GTF2F2: variants seen among roughly 807,000 people sequenced by gnomAD.
GTF2F2 encodes ATP-dependent helicase GTF2F2.
In GTF2F2, 23 loss-of-function variants were observed where a neutral mutation model predicts 42.2. The observed-to-expected ratio is 0.55, with a 90% CI of 0.39 to 0.77. GTF2F2 has a LOEUF of 0.77. Ranked by LOEUF, GTF2F2 falls within the 30% of genes least tolerant of loss-of-function variation. GTF2F2 has a pLI of 0.00. For synonymous variants in GTF2F2, 105 were observed against 100.8 expected (o/e 1.04, Z -0.25); for missense variants, 261 against 287.2 (o/e 0.91, Z 0.66).
At chr13:45,202,590 A>T (rs1347208547) in intron 4 of GTF2F2, among the ~76,000 whole-genome samples, 4 of 152,220 alleles carry the variant, frequency 2.6e-5, no homozygotes, top group Non-Finnish European at 5.9e-5. Flanking sequence ...AAAAGATGGG[A>T]AATCATAAAA....
At position 45,120,591 on chromosome 13, in the gene GTF2F2, C is replaced by T; in HGVS notation, c.-65C>T. 8.3e-7 allele frequency: 1 copy of T among 1,208,994 alleles called. No individual in the cohort carries two copies. The highest frequency in any genetic ancestry group is 1.2e-6 in the Non-Finnish European group (1 of 836,772). 74.9% of individuals were successfully genotyped at this position (1,208,994 alleles called of 1,614,324 possible). A position where few individuals can be genotyped will look rare whatever the true frequency, so the allele number is the denominator to read the frequency against. Reference sequence around the variant, plus strand: ...GCTTGTCCTTTGTTCCGGACGCCCGCTCCTCAGCCCTGCGGCTCCTGGGGT... The same window carrying T: ...GCTTGTCCTTTGTTCCGGACGCCCGTTCCTCAGCCCTGCGGCTCCTGGGGT... On this transcript the variant is annotated 5_prime_UTR_variant, in exon 1 of 8. Coordinates refer to ENST00000340473, the MANE Select transcript of GTF2F2 (RefSeq NM_004128.3).
intron 6 of GTF2F2, among the ~76,000 whole-genome samples, chr13:45,264,513 G>A (rs534893124): frequency 2.0e-5 from 3 of 151,840 alleles, no homozygotes; most frequent in Non-Finnish European, 4.4e-5. Context: ...CAAATGATCC[G>A]CCCACTTTGT....
chr13:45,217,452 T>C (rs546251158), intron 5 of GTF2F2, among the ~76,000 whole-genome samples: 2 of 152,340 alleles, frequency 1.3e-5, no homozygotes, highest in Non-Finnish European at 2.9e-5. Context: ...TTTATTACTT[T>C]TGTTTCTGTC....
chr13:45,151,911 C>CTTTTT lies in GTF2F2; in HGVS notation c.304+97_304+101dup, dbSNP rs773005628. 66 of 142,204 alleles carry CTTTTT rather than the reference C, an allele frequency of 4.6e-4. 1 individual carries two copies. The highest frequency in any genetic ancestry group is 8.2e-4 in the East Asian group (5 of 6,096). The allele number at this position is 142,204 out of a possible 1,614,324, so 8.8% of individuals were successfully genotyped here. On this transcript the variant is annotated intron_variant, in intron 4 of 7. Coordinates refer to ENST00000340473, the MANE Select transcript of GTF2F2 (RefSeq NM_004128.3). ...CTGTCTCAACATACACTCCTATTTG[C>CTTTTT]TTTTTTTTTTTTTTTTTTTTTGCGA...
intron 3 of GTF2F2, 100 bp from the exon 4 acceptor site, chr13:45,151,587 G>A (rs1870493525): frequency 1.4e-6 from 1 of 703,992 alleles, no homozygotes; most frequent in African/African-American, 1.9e-5. Flanking sequence ...GAAATGACTG[G>A]AAAACACATT....
intron 2 of GTF2F2, among the ~76,000 whole-genome samples, chr13:45,139,892 A>T (rs1869836109): frequency 6.6e-6 from 1 of 152,132 alleles, no homozygotes; most frequent in Admixed American, 6.5e-5. Flanking sequence ...CATCTCCCAT[A>T]CCAAAATCTA....
chr13:45,157,792 A>C (rs1290948603), intron 4 of GTF2F2, among the ~76,000 whole-genome samples: 2 of 151,706 alleles, frequency 1.3e-5, no homozygotes, highest in African/African-American at 4.8e-5. Context: ...CATGTTTCCC[A>C]GGCTGGTCTC....
chr13:45,191,224 A>AAAAAAAAAATATATATATAT, intron 4 of GTF2F2, among the ~76,000 whole-genome samples: 153 of 75,266 alleles, frequency 2.0e-3, no homozygotes, highest in Non-Finnish European at 2.6e-3. Flanking sequence ...ACAAAAAAAA[A>AAAAAAAAAATATATATATAT]ATATATATAT....
intron 5 of GTF2F2, among the ~76,000 whole-genome samples, chr13:45,228,769 C>T (rs1038751945): frequency 5.7e-4 from 86 of 151,408 alleles, no homozygotes; most frequent in African/African-American, 2.0e-3. Flanking sequence ...CTCCCGGGTT[C>T]AAGCAATTCT....
rs200972373 is a variant in GTF2F2, at chr13:45,254,386, A to G, written c.486+1416A>G. ...AATAAGGGGAAAGTATTGTATATTTATATTTCAAGACTTTTTTATTGTTGT... is the reference window on the plus strand; with the variant it reads ...AATAAGGGGAAAGTATTGTATATTTGTATTTCAAGACTTTTTTATTGTTGT... On this transcript the variant is annotated intron_variant, in intron 6 of 7. Coordinates refer to ENST00000340473, the MANE Select transcript of GTF2F2 (RefSeq NM_004128.3). 2.6e-5 allele frequency among the ~76,000 whole-genome samples: 4 copies of G among 152,336 alleles called. No homozygotes were observed. In the East Asian group the frequency reaches 5.8e-4, roughly 22 times the overall value.
chr13:45,176,785 T>C (rs887801176), intron 4 of GTF2F2, among the ~76,000 whole-genome samples: 9 of 152,126 alleles, frequency 5.9e-5, no homozygotes, highest in Admixed American at 1.3e-4. Context: ...TTTTTTCTTT[T>C]TCTTTTCTTC....
chr13:45,162,981 G>C (rs1238212141), intron 4 of GTF2F2, among the ~76,000 whole-genome samples: 1 of 143,638 alleles, frequency 7.0e-6, no homozygotes, highest in Non-Finnish European at 1.5e-5. Flanking sequence ...TGGAGTTGGC[G>C]TGTATTATTG....
At chr13:45,219,780 A>G (rs1320228472) in intron 5 of GTF2F2, among the ~76,000 whole-genome samples, 3 of 152,192 alleles carry the variant, frequency 2.0e-5, no homozygotes, top group African/African-American at 7.2e-5. Flanking sequence ...ATTGTCATAT[A>G]TTGTACACTT....
chr13:45,122,515 T>C (rs1868709771), intron 1 of GTF2F2, among the ~76,000 whole-genome samples: 1 of 152,128 alleles, frequency 6.6e-6, no homozygotes. Context: ...GCGCCTGTAG[T>C]CCCAGCTACT....
chr13:45,162,543 C>G (rs576827616), intron 4 of GTF2F2, among the ~76,000 whole-genome samples: 1 of 152,318 alleles, frequency 6.6e-6, no homozygotes, highest in East Asian at 1.9e-4. Context: ...TGCCAACTGC[C>G]TGAGCCAGGT....
intron 4 of GTF2F2, among the ~76,000 whole-genome samples, chr13:45,156,366 G>A (rs1870755579): frequency 6.6e-6 from 1 of 152,196 alleles, no homozygotes; most frequent in African/African-American, 2.4e-5. Context: ...TAGGATGAAA[G>A]ATAGTGAGGA....
At chr13:45,142,549 T>C (rs1869982667) in intron 2 of GTF2F2, among the ~76,000 whole-genome samples, 2 of 152,196 alleles carry the variant, frequency 1.3e-5, no homozygotes, top group African/African-American at 4.8e-5. Flanking sequence ...TGTGTGTGTT[T>C]GCATGTTTTA....
chr13:45,262,510 C>G (rs576978134), intron 6 of GTF2F2, among the ~76,000 whole-genome samples: 1 of 152,094 alleles, frequency 6.6e-6, no homozygotes, highest in Non-Finnish European at 1.5e-5. Flanking sequence ...TCACTGCAGC[C>G]CCTGCCTCCT....
chr13:45,167,804 A>G (rs964690516), intron 4 of GTF2F2, among the ~76,000 whole-genome samples: 1 of 151,820 alleles, frequency 6.6e-6, no homozygotes, highest in African/African-American at 2.4e-5. Context: ...AGGCCTCCCA[A>G]ACCTCCCAAG....
Sources: gnomAD v4.1 joint callset for allele counts (sites outside exome capture counted in the v4.1 genomes callset) on GRCh38, gnomAD v4.1.1 for gene constraint, MANE v1.5 for transcripts, NCBI Gene and HGNC (gene_info 2026-07-23, HGNC 2026-07-21) for gene names.